HABP4: variants seen among roughly 807,000 people sequenced by gnomAD.
HABP4 encodes intracellular hyaluronan-binding protein 4.
HABP4 carries 32 observed loss-of-function variants against 44.1 expected under a neutral mutation model. The observed-to-expected ratio is 0.73, with a 90% CI of 0.55 to 0.97. The LOEUF (loss-of-function observed/expected upper bound fraction) is 0.97, where lower values mean the gene tolerates loss of function less well. Among genes scored for constraint, HABP4 ranks in the 50% least tolerant of loss-of-function variants. HABP4 has a pLI of 0.00. For missense variants in HABP4, 503 were observed against 561.9 expected, an observed-to-expected ratio of 0.90 and a Z score of 1.06; for synonymous variants, 216 against 218.0, an observed-to-expected ratio of 0.99 and a Z score of 0.08.
At chr9:96,462,698 G>C (rs1039911185) in intron 2 of HABP4, among the ~76,000 whole-genome samples, 2 of 152,180 alleles carry the variant, frequency 1.3e-5, no homozygotes, top group African/African-American at 2.4e-5. Context: ...GGCCTAGGTA[G>C]GCGGATCTCT....
In HABP4 at chr9:96,490,011, C is replaced by T. The variant is rs1564171824; in HGVS notation, c.1215C>T (p.Asp405=). The T allele has an allele frequency of 1.9e-6, 3 of 1,604,376 alleles. No homozygotes were observed. The highest frequency in any genetic ancestry group is 1.1e-5 in the South Asian group (1 of 90,858). ...AAGATGTTGCCCCCAACCCAGATGA[C>T]CCGGAAGATTTCCCTGCGCTGTCTT... ...VMQDVAPNPD[D]PEDFPALS Residue 405 remains aspartate, a synonymous_variant, in exon 8 of 8, where the codon GAC becomes GAT. Transcript: ENST00000375249.
Position 96,465,499 on chromosome 9 carries a change from G to A in HABP4, c.674+1G>A. The A allele has an allele frequency of 6.3e-7, 1 of 1,598,708 alleles. No homozygotes were observed. The highest frequency in any genetic ancestry group is 8.6e-7 in the Non-Finnish European group (1 of 1,165,992). On this transcript the variant is annotated splice_donor_variant, in intron 3 of 7. Transcript: ENST00000375249. LOFTEE classifies it high-confidence loss of function. ...AAAGATATGGTGGGAATGACAAAAT[G>A]TAAGTTTCTTTGTAAATGCTATTTT...
At chr9:96,454,481 C>T (rs1832339149) in intron 1 of HABP4, among the ~76,000 whole-genome samples, 3 of 138,482 alleles carry the variant, frequency 2.2e-5, no homozygotes, top group African/African-American at 5.4e-5. Context: ...GACGGAGTCT[C>T]GCTCTGTTGC....
chr9:96,456,491 T>C (rs1481545044), intron 1 of HABP4, among the ~76,000 whole-genome samples: 1 of 152,082 alleles, frequency 6.6e-6, no homozygotes, highest in Non-Finnish European at 1.5e-5. Context: ...CCAAGGGCAG[T>C]GGCTCACGCC....
At chr9:96,466,641 C>G (rs143805760) in intron 4 of HABP4, among the ~76,000 whole-genome samples, 66 of 152,314 alleles carry the variant, frequency 4.3e-4, no homozygotes, top group Admixed American at 1.4e-3. Context: ...TAGATTGAAG[C>G]TTAGTGACAG....
rs1832398404 is a variant in HABP4, at chr9:96,456,783, ATATATATATATATATAT to A, written c.350-1595_350-1579del. 1.0e-3 allele frequency among the ~76,000 whole-genome samples: 43 copies of A among 41,848 alleles called. 1 individual carries two copies. Among genetic ancestry groups the A allele is most frequent in the Admixed American group, 1.8e-3 (5 of 2,714 alleles). 27.5% of individuals were successfully genotyped at this position (41,848 alleles called of 152,430 possible). ...TCAAAAAAAAAAAAAAAAAAAAAAT[ATATATATATATATATAT>A]ATATATATATATATATATATATCCA... On this transcript the variant is annotated intron_variant, in intron 1 of 7. Transcript: ENST00000375249.
chr9:96,465,365 C>T lies in HABP4; in HGVS notation c.541C>T (p.Pro181Ser), dbSNP rs1242366099. 2 of 1,610,408 alleles carry T rather than the reference C, an allele frequency of 1.2e-6. No homozygotes were observed. The highest frequency in any genetic ancestry group is 3.3e-5 in the Admixed American group (2 of 60,014). Residue 181 changes from proline (P) to serine (S), a missense_variant, in exon 3 of 8, where the codon CCG (proline) becomes TCG (serine). Pro to Ser is a moderately conservative substitution (Grantham distance 74, BLOSUM62 -1). Around this residue, in one of 3 missense-constraint regions of HABP4, gnomAD observed 290 missense variants for 300.5 expected, o/e 0.97. Transcript: ENST00000375249. ...AGGTGATAGGTTTGATCGAGACAGA[C>T]CGTTGAGAGGACGTGGAGGCCCGAG... is the stretch of plus-strand genomic sequence containing the variant. ...KPGDRFDRDR[P>S]LRGRGGPRGG...
chr9:96,458,571 TG>T (rs756954406), intron 2 of HABP4, 30 bp downstream of exon 2: 1 of 1,510,854 alleles, frequency 6.6e-7, no homozygotes, highest in Non-Finnish European at 9.1e-7. Context: ...GCAGGGCGGG[TG>T]GGGAACCAGA....
At chr9:96,462,624 A>AAG (rs556682803) in intron 2 of HABP4, among the ~76,000 whole-genome samples, 1 of 151,336 alleles carries the variant, frequency 6.6e-6, no homozygotes, top group Non-Finnish European at 1.5e-5. Flanking sequence ...AAAAAAAAAA[A>AAG]AGAGAGAGAG....
chr9:96,471,950 C>T (rs550128685), intron 5 of HABP4, among the ~76,000 whole-genome samples: 42 of 152,116 alleles, frequency 2.8e-4, no homozygotes, highest in Admixed American at 1.2e-3. Flanking sequence ...CTACCATGCC[C>T]GGCTAATTTT....
chr9:96,480,404 G>A (rs1419689929), intron 5 of HABP4, among the ~76,000 whole-genome samples: 1 of 151,988 alleles, frequency 6.6e-6, no homozygotes, highest in Non-Finnish European at 1.5e-5. Flanking sequence ...TTAATTTGCT[G>A]TTCCAATGTC....
chr9:96,481,083 T>C (rs913941236), intron 5 of HABP4, among the ~76,000 whole-genome samples: 1 of 152,070 alleles, frequency 6.6e-6, no homozygotes, highest in Admixed American at 6.5e-5. Context: ...CCACCTACTG[T>C]TTTGTTTTGT....
At chr9:96,489,880 T>G (rs1235648736) in intron 7 of HABP4, 102 bp from the exon 8 acceptor site, 1 of 793,468 alleles carries the variant, frequency 1.3e-6, no homozygotes, top group Non-Finnish European at 2.3e-6. Context: ...CTGCCTCTAA[T>G]GCAGGCCCCT....
At chr9:96,476,704 A>G (rs1006293979) in intron 5 of HABP4, among the ~76,000 whole-genome samples, 1 of 152,244 alleles carries the variant, frequency 6.6e-6, no homozygotes, top group African/African-American at 2.4e-5. Context: ...AACTGTACTC[A>G]GAACCAATCA....
rs184349871 is a variant in HABP4, at chr9:96,459,177, T to G, written c.512+636T>G. Reference sequence around the variant, plus strand: ...CTGGTTTTCTTTTGAAGTTCTAGATTAGAGATATAATTTTGGACTAGGGAT... The same window carrying G: ...CTGGTTTTCTTTTGAAGTTCTAGATGAGAGATATAATTTTGGACTAGGGAT... On this transcript the variant is annotated intron_variant, in intron 2 of 7. Transcript: ENST00000375249. Among the ~76,000 whole-genome samples the G allele has an allele frequency of 1.9e-3, 286 of 152,320 alleles. 3 individuals carry two copies. The highest frequency in any genetic ancestry group is 1.3e-3 in the Non-Finnish European group (90 of 68,036).
chr9:96,485,378 G>A (rs1337767077), intron 6 of HABP4, among the ~76,000 whole-genome samples: 1 of 152,188 alleles, frequency 6.6e-6, no homozygotes, highest in East Asian at 1.9e-4. Context: ...TTAAACTGTG[G>A]TTGAGGTTCC....
In HABP4 at chr9:96,462,724, G is replaced by C. The variant is rs930272253; in HGVS notation, c.513-2613G>C. 4.6e-5 allele frequency among the ~76,000 whole-genome samples: 7 copies of C among 152,064 alleles called. No individual in the cohort carries two copies. In the East Asian group the frequency reaches 1.4e-3, roughly 30 times the overall value. On this transcript the variant is annotated intron_variant, in intron 2 of 7. Coordinates refer to ENST00000375249, the MANE Select transcript of HABP4 (RefSeq NM_014282.4). ...GCGGATCTCTTGAGCCCAGTAATTT[G>C]AGACCAACCTGGGCGACATGGTGAA...
Position 96,457,567 on chromosome 9 carries a change from CT to C in HABP4, c.350-809del, listed in dbSNP as rs544839155. 2.6e-5 allele frequency among the ~76,000 whole-genome samples: 4 copies of C among 152,308 alleles called. No homozygotes were observed. In the South Asian group the frequency reaches 8.3e-4, roughly 32 times the overall value. On this transcript the variant is annotated intron_variant, in intron 1 of 7. Transcript: ENST00000375249. Reference sequence around the variant, plus strand: ...AAAGTAAAAATATAAGCACTACAAACTTTAAAAACAAAAACCTTGGCCAGGC... The same window carrying C: ...AAAGTAAAAATATAAGCACTACAAACTTAAAAACAAAAACCTTGGCCAGGC...
chr9:96,491,313 A>G lies in HABP4; in HGVS notation c.*1275A>G, dbSNP rs985547678. 1.3e-5 allele frequency: 2 copies of G among 152,224 alleles called. No homozygotes were observed. Among genetic ancestry groups the G allele is most frequent in the African/African-American group, 4.8e-5 (2 of 41,440 alleles). The allele number at this position is 152,224 out of a possible 1,614,324, so 9.4% of individuals were successfully genotyped here. On this transcript the variant is annotated 3_prime_UTR_variant, in exon 8 of 8. Transcript: ENST00000375249. ...GCTTTGAACTGGAACCCAAGTGCAA[A>G]TAAAGGTTGGTATTCGCTCCTGACT...
Sources: allele counts gnomAD v4.1 joint callset (sites outside exome capture counted in the v4.1 genomes callset), GRCh38; gene constraint gnomAD v4.1.1; regional missense constraint gnomAD v4.1.1; transcripts MANE v1.5; gene names NCBI Gene and HGNC (gene_info 2026-07-23, HGNC 2026-07-21).